The following STOX1 variants were observed in gnomAD, a reference collection of about 807,000 sequenced individuals.
The protein encoded by STOX1 is storkhead box 1.
In STOX1, 57 loss-of-function variants were observed where a neutral mutation model predicts 74.8. The observed-to-expected ratio is 0.76, with a 90% CI of 0.62 to 0.95. The LOEUF (loss-of-function observed/expected upper bound fraction) is 0.95. Among genes scored for constraint, STOX1 ranks in the 40% least tolerant of loss-of-function variants. The pLI is 0.00. For missense variants in STOX1, 1,010 were observed against 1,117.0 expected (o/e 0.90, Z 1.37); for synonymous variants, 375 against 401.3 (o/e 0.93, Z 0.78).
At chr10:68,844,919 C>T (rs548567727) in intron 1 of STOX1, among the ~76,000 whole-genome samples, 8 of 151,936 alleles carry the variant, frequency 5.3e-5, no homozygotes, top group Admixed American at 2.6e-4. Flanking sequence ...CACACCACCA[C>T]GCCCAGCTAA....
chr10:68,883,652 G>A lies in STOX1; in HGVS notation c.464-608G>A, dbSNP rs555192989. Among the ~76,000 whole-genome samples the A allele has an allele frequency of 9.2e-4, 140 of 151,906 alleles. 1 individual carries two copies. The highest frequency in any genetic ancestry group is 3.3e-3 in the African/African-American group (136 of 41,436). On this transcript the variant is annotated intron_variant, in intron 2 of 3. Transcript: ENST00000298596. ...TGGTCTTGAACTCCTGAGTTAAAGC[G>A]ATCTGCCTGTCTCAGCCTCCCAAAG...
intron 1 of STOX1, among the ~76,000 whole-genome samples, chr10:68,868,292 AAACATCGTTTCTGCAGTTTATAGATT>A (rs1255055803): frequency 2.0e-5 from 3 of 152,258 alleles, no homozygotes; most frequent in African/African-American, 4.8e-5. Context: ...AGCCCGAGAT[AAACATCGTTTCTGCAGTTTATAGATT>A]AACTAAAACT....
intron 1 of STOX1, among the ~76,000 whole-genome samples, chr10:68,843,514 A>C (rs1839746920): frequency 6.6e-6 from 1 of 152,022 alleles, no homozygotes; most frequent in Admixed American, 6.6e-5. Context: ...TATTATCAGT[A>C]TGTTATTATT....
intron 1 of STOX1, among the ~76,000 whole-genome samples, chr10:68,880,299 T>C (rs1840786046): frequency 6.6e-6 from 1 of 151,928 alleles, no homozygotes; most frequent in African/African-American, 2.4e-5. Context: ...CCTCGCACCT[T>C]AGCCCCCTAG....
intron 1 of STOX1, among the ~76,000 whole-genome samples, chr10:68,861,135 T>C (rs1840257108): frequency 2.0e-5 from 3 of 152,078 alleles, no homozygotes; most frequent in Non-Finnish European, 1.5e-5. Context: ...CCAGCAGTGC[T>C]AGAGGAATAA....
chr10:68,859,523 T>C (rs1280561410), intron 1 of STOX1, among the ~76,000 whole-genome samples: 1 of 152,104 alleles, frequency 6.6e-6, no homozygotes, highest in Admixed American at 6.5e-5. Flanking sequence ...ATCTATCGTG[T>C]AGCCAGCTCA....
rs560669967 is a variant in STOX1, at chr10:68,854,356, A to G, written c.310+26423A>G. Among the ~76,000 whole-genome samples the G allele has an allele frequency of 8.9e-4, 135 of 151,948 alleles. 2 individuals carry two copies. In the South Asian group the frequency reaches 0.026, roughly 30 times the overall value. On this transcript the variant is annotated intron_variant, in intron 1 of 3. Coordinates refer to ENST00000298596, the MANE Select transcript of STOX1 (RefSeq NM_152709.5). ...ACCCAGGCTGGAGTCTATTGGTGCA[A>G]TCACGGCTCACTGCATGCAGCCTTG...
chr10:68,839,448 C>G (rs1262127693), intron 1 of STOX1, among the ~76,000 whole-genome samples: 1 of 152,070 alleles, frequency 6.6e-6, no homozygotes, highest in East Asian at 1.9e-4. Flanking sequence ...GTCTTGAACC[C>G]CTGGGCTCAA....
chr10:68,870,794 T>G (rs1339263935), intron 1 of STOX1, among the ~76,000 whole-genome samples: 1 of 152,078 alleles, frequency 6.6e-6, no homozygotes, highest in African/African-American at 2.4e-5. Flanking sequence ...ATCAAGGAAA[T>G]AGTGACTGCC....
chr10:68,890,020 C>G (rs530668731), intron 3 of STOX1, among the ~76,000 whole-genome samples: 274 of 151,878 alleles, frequency 1.8e-3, no homozygotes, highest in African/African-American at 6.4e-3. Flanking sequence ...AACTCCTGGC[C>G]TCAAGTGATC....
chr10:68,864,079 C>A (rs751993437), intron 1 of STOX1, among the ~76,000 whole-genome samples: 1 of 152,100 alleles, frequency 6.6e-6, no homozygotes. Flanking sequence ...CACCCGCCAC[C>A]GCACCAGCTA....
At position 68,848,277 on chromosome 10, in the gene STOX1, T is replaced by C. The variant is rs1266678009; in HGVS notation, c.310+20344T>C. ...GAGCCTGGCCCTTAGTCCCTGCTAA[T>C]GGATCATAACTGGAAGATGCTAATT... is the stretch of plus-strand genomic sequence containing the variant. On this transcript the variant is annotated intron_variant, in intron 1 of 3. Coordinates refer to ENST00000298596, the MANE Select transcript of STOX1 (RefSeq NM_152709.5). 1.3e-5 allele frequency among the ~76,000 whole-genome samples: 2 copies of C among 152,224 alleles called. 1 individual carries two copies. The highest frequency in any genetic ancestry group is 2.9e-5 in the Non-Finnish European group (2 of 68,038).
At position 68,884,295 on chromosome 10, in the gene STOX1, A is replaced by G. The variant is rs765196626; in HGVS notation, c.499A>G (p.Thr167Ala). ...TCCATCGGAAGATATTCTTTATACC[A>G]CTCTGGGAACGCTGATTAAAGAAAG... ...AIPSEDILYTTLGTLIKERKI... is the reference protein window; with the variant it reads ...AIPSEDILYTALGTLIKERKI... The change falls in exon 3 of 4, where the codon ACT becomes GCT. Residue 167 changes from threonine to alanine, a missense_variant. Coordinates refer to ENST00000298596, the MANE Select transcript of STOX1 (RefSeq NM_152709.5). 7.4e-6 allele frequency: 12 copies of G among 1,613,972 alleles called. No homozygotes were observed. In the East Asian group the frequency reaches 2.7e-4, roughly 36 times the overall value.
rs556016489 is a variant in STOX1, at chr10:68,846,934, A to G, written c.310+19001A>G. The G allele has an allele frequency of 7.2e-5, 11 of 152,336 alleles. No homozygotes were observed. In the South Asian group the frequency reaches 1.0e-3, roughly 14 times the overall value. 9.4% of individuals were successfully genotyped at this position (152,336 alleles called of 1,614,324 possible). ...AAAAGAAAAGGATTATGTTAAATCT[A>G]TAGATTAATTTCGGGAGAATTCACA... On this transcript the variant is annotated intron_variant, in intron 1 of 3. Transcript: ENST00000298596.
intron 1 of STOX1, among the ~76,000 whole-genome samples, chr10:68,845,125 T>C (rs188038338): frequency 5.9e-5 from 9 of 152,128 alleles, no homozygotes; most frequent in Admixed American, 5.9e-4. Flanking sequence ...TTCTTCAAGA[T>C]GGAGTCTCGC....
In STOX1 at chr10:68,827,566, C is replaced by T. The variant is rs71478861; in HGVS notation, c.-58C>T. ...GATCCTCCCGCCGAGCGAGCGGCGT[C>T]GTAGCCGCCGCGCTCGCCGAGGCCC... On this transcript the variant is annotated 5_prime_UTR_variant, in exon 1 of 4. Transcript: ENST00000298596. 2.8e-6 allele frequency: 3 copies of T among 1,066,542 alleles called. No homozygotes were observed. The highest frequency in any genetic ancestry group is 4.5e-5 in the South Asian group (1 of 22,062). The allele number at this position is 1,066,542 out of a possible 1,614,324, so 66.1% of individuals were successfully genotyped here.
intron 1 of STOX1, among the ~76,000 whole-genome samples, chr10:68,844,609 T>G (rs1283666168): frequency 1.3e-5 from 2 of 152,216 alleles, no homozygotes; most frequent in Admixed American, 6.5e-5. Context: ...TGTATCTTCT[T>G]TAATAAGTGT....
intron 1 of STOX1, among the ~76,000 whole-genome samples, chr10:68,858,338 C>T (rs1048748829): frequency 6.6e-6 from 1 of 152,088 alleles, no homozygotes. Context: ...CATTTGGTTT[C>T]TAAGGCAATG....
intron 1 of STOX1, among the ~76,000 whole-genome samples, chr10:68,865,690 A>G (rs1840386806): frequency 6.6e-6 from 1 of 152,208 alleles, no homozygotes; most frequent in South Asian, 2.1e-4. Flanking sequence ...TTGGAATCAT[A>G]GCAGGAGAAG....
Sources: gnomAD v4.1 joint callset for allele counts (sites outside exome capture counted in the v4.1 genomes callset) on GRCh38, gnomAD v4.1.1 for gene constraint, MANE v1.5 for transcripts, NCBI Gene and HGNC (gene_info 2026-07-23, HGNC 2026-07-21) for gene names.